Variants in DMD observed in about 807,000 individuals in gnomAD.
DMD encodes dystrophin, also known as mutant dystrophin.
Under a neutral mutation model 330.1 loss-of-function variants are expected in DMD, and 63 were observed. That is an observed-to-expected ratio of 0.19 (90% CI 0.16 to 0.24). The LOEUF is 0.24. Ranked by LOEUF, DMD falls within the 10% of genes least tolerant of loss-of-function variation. The pLI, the probability that DMD is intolerant of heterozygous loss-of-function variation, is 1.00. For missense variants in DMD, 3,344 were observed against 2,684.1 expected, an observed-to-expected ratio of 1.25 and a Z score of -5.43; for synonymous variants, 1,223 against 959.8, an observed-to-expected ratio of 1.27 and a Z score of -5.07.
At chrX:32,616,515 T>G (rs2057576835) in intron 11 of DMD, among the ~76,000 whole-genome samples, 1 of 110,474 alleles carries the variant, frequency 9.1e-6, no homozygotes, top group Non-Finnish European at 1.9e-5. Flanking sequence ...CTTTGGACAT[T>G]GGGAAGTCTC....
chrX:32,436,631 C>T (rs537439151), intron 29 of DMD, among the ~76,000 whole-genome samples: 33 of 111,429 alleles, frequency 3.0e-4, no homozygotes, highest in African/African-American at 8.5e-4. Flanking sequence ...TAAGCTATTC[C>T]TAAGGACAGA....
At chrX:31,718,139 T>A (rs953476851) in intron 52 of DMD, among the ~76,000 whole-genome samples, 7 of 112,154 alleles carry the variant, frequency 6.2e-5, no homozygotes, top group African/African-American at 2.3e-4. Context: ...ATCTTAATAT[T>A]GAAAGAAAAT....
Position 32,341,565 on chromosome X carries a change from C to T in DMD, c.5922+535G>A, listed in dbSNP as rs1278582913. Among the ~76,000 whole-genome samples, 10 of 111,795 alleles carry T rather than the reference C, an allele frequency of 8.9e-5. No individual in the cohort carries two copies. In the Admixed American group the frequency reaches 9.5e-4, roughly 11 times the overall value. On this transcript the variant is annotated intron_variant, in intron 41 of 78. Coordinates refer to ENST00000357033, the MANE Select transcript of DMD (RefSeq NM_004006.3). Reference sequence around the variant, plus strand: ...AATTAGCAACCATCTTACTAGGCATCCAGTTCTTTTATGGGCACTGTAACC... The same window carrying T: ...AATTAGCAACCATCTTACTAGGCATTCAGTTCTTTTATGGGCACTGTAACC...
chrX:31,864,829 C>T (rs764569270), intron 48 of DMD, among the ~76,000 whole-genome samples: 2 of 111,889 alleles, frequency 1.8e-5, no homozygotes, highest in Non-Finnish European at 3.8e-5. Flanking sequence ...CTTACCATAA[C>T]TCCTGATACA....
chrX:31,219,487 C>T (rs1336151347), intron 64 of DMD, among the ~76,000 whole-genome samples: 2 of 111,024 alleles, frequency 1.8e-5, no homozygotes, highest in Non-Finnish European at 3.8e-5. Context: ...CTCTCCACTC[C>T]ATACAAAAAA....
chrX:32,965,207 C>T (rs763663195), intron 2 of DMD, among the ~76,000 whole-genome samples: 26 of 111,020 alleles, frequency 2.3e-4, no homozygotes, highest in East Asian at 1.1e-3. Context: ...AAATATTTTC[C>T]GGGGCTGGGT....
At chrX:32,509,382 GA>G (rs1407305475) in intron 18 of DMD, among the ~76,000 whole-genome samples, 1 of 110,550 alleles carries the variant, frequency 9.0e-6, no homozygotes, top group Non-Finnish European at 1.9e-5. Context: ...AAAAAGCACA[GA>G]AAAGCACAAA....
chrX:31,803,474 T>G (rs2067947221), intron 50 of DMD, among the ~76,000 whole-genome samples: 1 of 112,410 alleles, frequency 8.9e-6, no homozygotes, highest in African/African-American at 3.2e-5. Context: ...AGCAACACTT[T>G]ATGTAAATAC....
intron 1 of DMD, among the ~76,000 whole-genome samples, chrX:33,182,806 A>G (rs2050064128): frequency 8.9e-6 from 1 of 112,451 alleles, no homozygotes; most frequent in South Asian, 3.6e-4. Flanking sequence ...AAGAGAAGGA[A>G]TCCTATCAAG....
intron 44 of DMD, among the ~76,000 whole-genome samples, chrX:32,008,239 G>C (rs1340565839): frequency 7.2e-5 from 8 of 111,328 alleles, no homozygotes; most frequent in Non-Finnish European, 1.5e-4. Flanking sequence ...AGGCTAGGTG[G>C]AAAGAGTTGG....
At chrX:32,517,986 T>C (rs978516882) in intron 18 of DMD, 22 bp downstream of exon 18, 4 of 1,208,167 alleles carry the variant, frequency 3.3e-6, no homozygotes, top group Admixed American at 2.2e-5. Context: ...AGTACAGATA[T>C]AAAAATTAAT....
intron 64 of DMD, among the ~76,000 whole-genome samples, chrX:31,221,463 T>C (rs1569480348): frequency 8.9e-6 from 1 of 112,330 alleles, no homozygotes; most frequent in Non-Finnish European, 1.9e-5. Flanking sequence ...ACGCTCTTCC[T>C]AGAGAGAGAG....
chrX:32,327,077 A>G (rs2097654408), intron 41 of DMD, among the ~76,000 whole-genome samples: 1 of 109,399 alleles, frequency 9.1e-6, no homozygotes, highest in Non-Finnish European at 1.9e-5. Context: ...TTATTTCCCC[A>G]AACTATGAGT....
At chrX:31,416,352 A>G (rs2061871464) in intron 60 of DMD, among the ~76,000 whole-genome samples, 1 of 112,464 alleles carries the variant, frequency 8.9e-6, no homozygotes, top group African/African-American at 3.2e-5. Flanking sequence ...GTAAAATTTA[A>G]GACAATCAAG....
intron 63 of DMD, among the ~76,000 whole-genome samples, chrX:31,235,579 T>A (rs1276238303): frequency 8.9e-6 from 1 of 112,606 alleles, no homozygotes; most frequent in Non-Finnish European, 1.9e-5. Flanking sequence ...TGGTGCTCAA[T>A]AAATGTATTT....
At chrX:32,166,824 A>T (rs1330930811) in intron 44 of DMD, among the ~76,000 whole-genome samples, 1 of 112,360 alleles carries the variant, frequency 8.9e-6, no homozygotes, top group Middle Eastern at 4.2e-3. Flanking sequence ...ACTGGGAAGG[A>T]AAAAGAAAAC....
At chrX:32,378,174 A>G (rs2097911323) in intron 34 of DMD, among the ~76,000 whole-genome samples, 1 of 110,330 alleles carries the variant, frequency 9.1e-6, no homozygotes. Flanking sequence ...GGTCTCAAAA[A>G]TATGTTTACT....
At chrX:31,446,758 A>G (rs1008297536) in intron 59 of DMD, among the ~76,000 whole-genome samples, 3 of 112,315 alleles carry the variant, frequency 2.7e-5, no homozygotes, top group East Asian at 2.8e-4. Context: ...TTAAATGTCA[A>G]TGGGGGAAAC....
intron 2 of DMD, among the ~76,000 whole-genome samples, chrX:33,002,746 G>A (rs1438146169): frequency 9.7e-6 from 1 of 103,566 alleles, no homozygotes; most frequent in Non-Finnish European, 2.0e-5. Context: ...GAAAGTTAGG[G>A]TTTTGCCTTC....
Sources: allele counts gnomAD v4.1 joint callset (sites outside exome capture counted in the v4.1 genomes callset), GRCh38; gene constraint gnomAD v4.1.1; transcripts MANE v1.5; gene names NCBI Gene and HGNC (gene_info 2026-07-23, HGNC 2026-07-21).